Variants in KIF5C observed in about 807,000 individuals in gnomAD.
KIF5C encodes the protein kinesin heavy chain isoform 5C.
Under a neutral mutation model 125.2 loss-of-function variants are expected in KIF5C, and 18 were observed. The ratio of observed to expected loss-of-function variants is 0.14; its 90% CI spans 0.10 to 0.21. KIF5C has a LOEUF of 0.21. Among genes scored for constraint, KIF5C ranks in the 10% least tolerant of loss-of-function variants. KIF5C has a pLI of 1.00. For missense variants in KIF5C, 780 were observed against 1,183.8 expected (o/e 0.66, Z 5.01); for synonymous variants, 405 against 434.0 (o/e 0.93, Z 0.83).
chr2:149,026,567 TG>T lies in KIF5C; in HGVS notation c.*3499del, dbSNP rs2105220684. 1 of 152,756 alleles carries T rather than the reference TG, an allele frequency of 6.5e-6. No individual in the cohort carries two copies. The highest frequency in any genetic ancestry group is 1.9e-4 in the East Asian group (1 of 5,188). 9.5% of individuals were successfully genotyped at this position (152,756 alleles called of 1,614,324 possible). A position where few individuals can be genotyped will look rare whatever the true frequency, so the allele number is the denominator to read the frequency against. On this transcript the variant is annotated 3_prime_UTR_variant, in exon 26 of 26. Coordinates refer to ENST00000435030, the MANE Select transcript of KIF5C (RefSeq NM_004522.3). ...TCCGGGGGGTTTGAGGGGAGAATGG[TG>T]GTTTATATCAATAACGATGCTGTAC... is the stretch of plus-strand genomic sequence containing the variant.
intron 13 of KIF5C, among the ~76,000 whole-genome samples, chr2:148,979,922 T>C (rs995603710): frequency 6.6e-6 from 1 of 152,234 alleles, no homozygotes; most frequent in Non-Finnish European, 1.5e-5. Context: ...AGCCAACTTA[T>C]CAAACATGCA....
chr2:148,986,253 T>C (rs185533399), intron 15 of KIF5C, among the ~76,000 whole-genome samples: 123 of 152,340 alleles, frequency 8.1e-4, no homozygotes, highest in African/African-American at 2.9e-3. Flanking sequence ...TGATTGAGAT[T>C]GAGATTGTTT....
intron 16 of KIF5C, among the ~76,000 whole-genome samples, chr2:148,993,284 G>C (rs1681575101): frequency 6.6e-6 from 1 of 152,154 alleles, no homozygotes; most frequent in Admixed American, 6.5e-5. Context: ...CACTGACTTT[G>C]CTGTATGAGA....
chr2:148,891,397 T>A (rs1681703984), intron 1 of KIF5C, among the ~76,000 whole-genome samples: 2 of 151,934 alleles, frequency 1.3e-5, no homozygotes, highest in African/African-American at 4.8e-5. Context: ...TTTTTTTTTT[T>A]ATTATTATTT....
chr2:149,005,115 G>A (rs1486476205), intron 21 of KIF5C, among the ~76,000 whole-genome samples: 4 of 152,206 alleles, frequency 2.6e-5, no homozygotes, highest in African/African-American at 9.7e-5. Flanking sequence ...AATTTTTGTG[G>A]GTGAGGAAAT....
intron 4 of KIF5C, among the ~76,000 whole-genome samples, chr2:148,938,689 C>G (rs1682343060): frequency 6.6e-6 from 1 of 152,122 alleles, no homozygotes; most frequent in East Asian, 1.9e-4. Context: ...AGGGGCAGTT[C>G]TAAGAAGCCT....
intron 22 of KIF5C, among the ~76,000 whole-genome samples, chr2:149,007,083 CCCACCCCAGGT>C (rs1316444078): frequency 6.6e-6 from 1 of 152,114 alleles, no homozygotes; most frequent in Admixed American, 6.5e-5. Context: ...ATTCTCATAC[CCCACCCCAGGT>C]CCACTGAATC....
chr2:148,922,934 T>G (rs1681848162), intron 2 of KIF5C, among the ~76,000 whole-genome samples: 1 of 152,238 alleles, frequency 6.6e-6, no homozygotes, highest in African/African-American at 2.4e-5. Flanking sequence ...AGCAGGGAGA[T>G]GAAGCAATTT....
chr2:148,917,573 G>A (rs564264269), intron 1 of KIF5C, among the ~76,000 whole-genome samples: 176 of 152,320 alleles, frequency 1.2e-3, no homozygotes, highest in African/African-American at 4.1e-3. Context: ...GGTTGGTGAT[G>A]GTGTTGGTGA....
intron 17 of KIF5C, among the ~76,000 whole-genome samples, chr2:148,995,963 T>G (rs1238446889): frequency 1.3e-5 from 2 of 152,136 alleles, no homozygotes; most frequent in Non-Finnish European, 2.9e-5. Context: ...GAGACCAGCC[T>G]GGCCAACATG....
chr2:148,889,582 C>A (rs1681648379), intron 1 of KIF5C, among the ~76,000 whole-genome samples: 1 of 152,170 alleles, frequency 6.6e-6, no homozygotes, highest in African/African-American at 2.4e-5. Context: ...TCTGCTATTG[C>A]ATTGGATGAA....
chr2:148,997,211 G>T, intron 17 of KIF5C, 53 bp from the exon 18 acceptor site: 2 of 1,569,000 alleles, frequency 1.3e-6, no homozygotes, highest in Non-Finnish European at 8.7e-7. Context: ...TTTTGCTTTT[G>T]GGTGTGAGTC....
At chr2:148,926,336 G>C (rs1489574057) in intron 2 of KIF5C, among the ~76,000 whole-genome samples, 5 of 152,210 alleles carry the variant, frequency 3.3e-5, no homozygotes, top group African/African-American at 1.2e-4. Context: ...GCCCCGGGGT[G>C]CGGCGGGCTA....
At position 148,998,521 on chromosome 2, in the gene KIF5C, C is replaced by T. The variant is rs993482417; in HGVS notation, c.2210+12C>T. On this transcript the variant is annotated intron_variant, in intron 19 of 25. Transcript: ENST00000435030. ...GATGAGATTCGGGAGTGAGTCGGCC[C>T]AGGGCACCAGGGGTGTGGGGGTGGT... The T allele has an allele frequency of 1.7e-5, 27 of 1,552,056 alleles. No individual in the cohort carries two copies. The highest frequency in any genetic ancestry group is 2.2e-5 in the Non-Finnish European group (25 of 1,147,404).
intron 25 of KIF5C, among the ~76,000 whole-genome samples, chr2:149,014,088 G>C (rs1682290322): frequency 6.6e-6 from 1 of 152,140 alleles, no homozygotes; most frequent in South Asian, 2.1e-4. Flanking sequence ...GCAATGGCAT[G>C]ATCTTGGCTC....
At chr2:148,929,240 A>G in intron 2 of KIF5C, 41 bp from the exon 3 acceptor site, 1 of 1,289,032 alleles carries the variant, frequency 7.8e-7, no homozygotes, top group Non-Finnish European at 1.1e-6. Context: ...GCATATGATC[A>G]AAGTAATGAG....
chr2:148,997,003 G>A (rs1574824317), intron 17 of KIF5C, among the ~76,000 whole-genome samples: 1 of 152,092 alleles, frequency 6.6e-6, no homozygotes, highest in South Asian at 2.1e-4. Context: ...TAGGAGGGCC[G>A]CCCCCAGTGA....
chr2:148,962,160 G>C, intron 11 of KIF5C, 41 bp downstream of exon 11: 2 of 1,523,980 alleles, frequency 1.3e-6, no homozygotes, highest in Non-Finnish European at 1.8e-6. Context: ...ATGAGTGTGT[G>C]CTTTTTTTAT....
At chr2:148,991,285 T>C (rs1681520599) in intron 16 of KIF5C, 87 bp downstream of exon 16, 2 of 1,487,856 alleles carry the variant, frequency 1.3e-6, no homozygotes, top group Non-Finnish European at 8.9e-7. Context: ...TGGTGCACCT[T>C]AGGCTTAGTT....
Sources: allele counts gnomAD v4.1 joint callset (sites outside exome capture counted in the v4.1 genomes callset), GRCh38; gene constraint gnomAD v4.1.1; transcripts MANE v1.5; gene names NCBI Gene and HGNC (gene_info 2026-07-23, HGNC 2026-07-21).